Variants in WDPCP observed in about 807,000 individuals in gnomAD.
The protein encoded by WDPCP is WD repeat-containing and planar cell polarity effector protein fritz homolog.
In WDPCP, 71 loss-of-function variants were observed where a neutral mutation model predicts 93.1. That is an observed-to-expected ratio of 0.76 (90% CI 0.63 to 0.93). The LOEUF (loss-of-function observed/expected upper bound fraction) is 0.93. WDPCP is among the 40% of genes least tolerant of loss of function. The pLI is 0.00. For synonymous variants in WDPCP, 315 were observed against 315.0 expected, an observed-to-expected ratio of 1.00 and a Z score of 0.00; for missense variants, 844 against 887.4, an observed-to-expected ratio of 0.95 and a Z score of 0.62.
At chr2:63,139,011 C>G (rs2103671939) in intron 17 of WDPCP, among the ~76,000 whole-genome samples, 1 of 152,284 alleles carries the variant, frequency 6.6e-6, no homozygotes, top group South Asian at 2.1e-4. Flanking sequence ...TCATCCAGAT[C>G]ACTACAAATG....
chr2:63,808,654 C>A (rs548828288), intron 2 of WDPCP, among the ~76,000 whole-genome samples: 1 of 152,348 alleles, frequency 6.6e-6, no homozygotes, highest in Admixed American at 6.5e-5. Context: ...CTCAATGGTG[C>A]CCAGGCTGGA....
intron 13 of WDPCP, among the ~76,000 whole-genome samples, chr2:63,273,169 A>G (rs188810077): frequency 2.2e-4 from 33 of 152,308 alleles, no homozygotes; most frequent in Non-Finnish European, 3.5e-4. Flanking sequence ...AAGGAAAAAT[A>G]AATAAAATGT....
intron 9 of WDPCP, among the ~76,000 whole-genome samples, chr2:63,407,097 A>G (rs944575498): frequency 6.6e-6 from 1 of 152,200 alleles, no homozygotes; most frequent in Non-Finnish European, 1.5e-5. Context: ...AGTAAAATAA[A>G]GCAAAGTACA....
chr2:63,644,267 CAG>C (rs1167667793), intron 3 of WDPCP, among the ~76,000 whole-genome samples: 3 of 107,030 alleles, frequency 2.8e-5, no homozygotes, highest in African/African-American at 3.8e-5. Context: ...TTTTTTGAGA[CAG>C]AGTCTTGCTC....
intron 14 of WDPCP, among the ~76,000 whole-genome samples, chr2:63,199,961 C>T (rs1446762896): frequency 1.3e-5 from 2 of 152,222 alleles, no homozygotes; most frequent in East Asian, 1.9e-4. Flanking sequence ...TGGGAGCCCA[C>T]TGCTTGCATC....
chr2:63,379,971 A>G (rs1003326266), intron 11 of WDPCP, among the ~76,000 whole-genome samples: 1 of 152,100 alleles, frequency 6.6e-6, no homozygotes, highest in African/African-American at 2.4e-5. Flanking sequence ...TTATTTCCCT[A>G]TCTCCCCAAT....
At chr2:63,724,040 C>A (rs1415052402) in intron 2 of WDPCP, among the ~76,000 whole-genome samples, 2 of 152,306 alleles carry the variant, frequency 1.3e-5, no homozygotes, top group East Asian at 3.9e-4. Context: ...ACCTACACAT[C>A]TAGCATATAG....
intron 14 of WDPCP, among the ~76,000 whole-genome samples, chr2:63,256,935 G>T (rs527960050): frequency 7.9e-5 from 12 of 152,258 alleles, no homozygotes; most frequent in South Asian, 4.1e-4. Context: ...CTTGAAGTGG[G>T]TATAGGAAGG....
chr2:63,433,847 C>A lies in WDPCP; in HGVS notation c.723G>T (p.Trp241Cys), dbSNP rs1297712553. 6.2e-7 allele frequency: 1 copy of A among 1,613,996 alleles called. No homozygotes were observed. Among genetic ancestry groups the A allele is most frequent in the Admixed American group, 1.7e-5 (1 of 59,992 alleles). The part of the protein sequence containing the change: ...INCVHDRVVC[W>C]WPLVNDDAWP... The stretch of plus-strand genomic sequence containing the variant: ...AAGCATCATCGTTGACCAGTGGCCA[C>A]CAGCAAACAACTCTATCATGAACAC... Residue 241 changes from tryptophan (W) to cysteine (C), a missense_variant, in exon 9 of 18, where the codon TGG (tryptophan) becomes TGT (cysteine). Coordinates refer to ENST00000272321, the MANE Select transcript of WDPCP (RefSeq NM_015910.7).
chr2:63,460,180 T>C lies in WDPCP; in HGVS notation c.385-20309A>G, dbSNP rs562181334. On this transcript the variant is annotated intron_variant, in intron 6 of 17. Transcript: ENST00000272321. Reference sequence around the variant, plus strand: ...AAAAATAATGAAATCATGCATTTTGTAGCAACATGGATGGAACTGGAGGTC... The same window carrying C: ...AAAAATAATGAAATCATGCATTTTGCAGCAACATGGATGGAACTGGAGGTC... Among the ~76,000 whole-genome samples, 6 of 152,258 alleles carry C rather than the reference T, an allele frequency of 3.9e-5. No homozygotes were observed. In the South Asian group the frequency reaches 8.3e-4, roughly 21 times the overall value.
intron 2 of WDPCP, among the ~76,000 whole-genome samples, chr2:63,656,741 T>A (rs890817920): frequency 6.6e-6 from 1 of 152,238 alleles, no homozygotes; most frequent in Non-Finnish European, 1.5e-5. Context: ...ACTGTCCTCA[T>A]GAACTTACAT....
intron 9 of WDPCP, among the ~76,000 whole-genome samples, chr2:63,429,113 A>G (rs1696532454): frequency 6.6e-6 from 1 of 152,206 alleles, no homozygotes; most frequent in Non-Finnish European, 1.5e-5. Flanking sequence ...ATAGCTGGCT[A>G]TTCATGTGCA....
At chr2:63,420,649 C>A (rs1267699351) in intron 9 of WDPCP, among the ~76,000 whole-genome samples, 1 of 152,098 alleles carries the variant, frequency 6.6e-6, no homozygotes, top group South Asian at 2.1e-4. Flanking sequence ...GTATTTAATC[C>A]TATGCATACT....
At chr2:63,720,220 C>A (rs1238908781) in intron 2 of WDPCP, among the ~76,000 whole-genome samples, 1 of 151,882 alleles carries the variant, frequency 6.6e-6, no homozygotes, top group Non-Finnish European at 1.5e-5. Flanking sequence ...AGTTCGAGAC[C>A]AGCCTGGGTA....
chr2:63,419,247 A>G (rs982662955), intron 9 of WDPCP, among the ~76,000 whole-genome samples: 3 of 152,080 alleles, frequency 2.0e-5, no homozygotes, highest in African/African-American at 7.2e-5. Context: ...GGTTCAAGCA[A>G]TTCTCTGCCT....
chr2:63,352,825 G>A (rs1689728785), intron 12 of WDPCP, among the ~76,000 whole-genome samples: 1 of 151,992 alleles, frequency 6.6e-6, no homozygotes, highest in African/African-American at 2.4e-5. Context: ...CTTGGATGCT[G>A]GTATTCATAC....
At chr2:63,643,422 A>C (rs557208105) in intron 3 of WDPCP, 4 of 314,848 alleles carry the variant, frequency 1.3e-5, no homozygotes, top group African/African-American at 8.9e-5. Context: ...TGCCACTGGC[A>C]TCTTTCACAT....
intron 1 of WDPCP, among the ~76,000 whole-genome samples, chr2:63,524,938 T>A (rs1168964028): frequency 1.3e-5 from 2 of 152,062 alleles, no homozygotes; most frequent in African/African-American, 4.8e-5. Context: ...CAAAGACACA[T>A]GCATGCTTAT....
intron 12 of WDPCP, among the ~76,000 whole-genome samples, chr2:63,331,257 G>A (rs1245877393): frequency 6.6e-6 from 1 of 152,108 alleles, no homozygotes; most frequent in Non-Finnish European, 1.5e-5. Flanking sequence ...TTTTCCTTGA[G>A]TATTTTGTAG....
Sources: allele counts gnomAD v4.1 joint callset (sites outside exome capture counted in the v4.1 genomes callset), GRCh38; gene constraint gnomAD v4.1.1; transcripts MANE v1.5; gene names NCBI Gene and HGNC (gene_info 2026-07-23, HGNC 2026-07-21).